The following ITGA1 variants were observed in gnomAD, a reference collection of about 807,000 sequenced individuals.
ITGA1 encodes the protein integrin subunit alpha 1, also known as integrin alpha-1.
In ITGA1, 85 loss-of-function variants were observed where a neutral mutation model predicts 145.9. The ratio of observed to expected loss-of-function variants is 0.58; its 90% CI spans 0.49 to 0.70. ITGA1 has a LOEUF of 0.70. ITGA1 is among the 30% of genes least tolerant of loss of function. ITGA1 has a pLI of 0.00. For synonymous variants in ITGA1, 520 were observed against 495.3 expected, an observed-to-expected ratio of 1.05 and a Z score of -0.66; for missense variants, 1,351 against 1,418.7, an observed-to-expected ratio of 0.95 and a Z score of 0.77.
chr5:52,893,920 A>T, intron 9 of ITGA1, 80 bp downstream of exon 9: 1 of 1,077,546 alleles, frequency 9.3e-7, no homozygotes, highest in Admixed American at 2.3e-5. Context: ...TTTATTCCTA[A>T]TACATCAGTA....
rs1561249810 is a variant in ITGA1 at position 52,920,419 on chromosome 5, A to T, written c.2243A>T (p.Asn748Ile). The change falls in exon 17 of 29, where the codon AAC becomes ATC. Residue 748 changes from asparagine to isoleucine, a missense_variant. Physicochemically the swap from Asn to Ile is moderately radical, Grantham distance 149. Transcript: ENST00000282588. ...ACTCAAGAGAGAAAGGTTCAAAGGA[A>T]CATCACAGTTCGAAAATCAGAATGC... ...SGTQERKVQR[N>I]ITVRKSECTK... The T allele has an allele frequency of 6.2e-7, 1 of 1,610,868 alleles. No homozygotes were observed. The highest frequency in any genetic ancestry group is 2.2e-5 in the East Asian group (1 of 44,582).
At chr5:52,905,953 C>A in intron 12 of ITGA1, 45 bp downstream of exon 12, 1 of 1,517,268 alleles carries the variant, frequency 6.6e-7, no homozygotes, top group South Asian at 1.2e-5. Flanking sequence ...TCTATTCATA[C>A]TCTATGTATA....
At chr5:52,801,325 C>A in intron 1 of ITGA1, 1 of 1,237,906 alleles carries the variant, frequency 8.1e-7, no homozygotes, top group Non-Finnish European at 1.1e-6. Context: ...GCCTTACTAG[C>A]GCTTTTGGCT....
rs950330568 is a variant in ITGA1, at chr5:52,908,767, A to G, written c.1456-131A>G. The G allele has an allele frequency of 4.3e-6, 4 of 937,180 alleles. No homozygotes were observed. In the South Asian group the frequency reaches 6.8e-5, roughly 16 times the overall value. The allele number at this position is 937,180 out of a possible 1,614,324, so 58.1% of individuals were successfully genotyped here. A position where few individuals can be genotyped will look rare whatever the true frequency, so the allele number is the denominator to read the frequency against. The stretch of plus-strand genomic sequence containing the variant: ...AATAAATAACTTTCAGGGAGCATCA[A>G]TTTTTATCTTTCATTTCCTTTGCCA... On this transcript the variant is annotated intron_variant, in intron 12 of 28. Transcript: ENST00000282588.
intron 9 of ITGA1, among the ~76,000 whole-genome samples, chr5:52,896,242 C>A (rs1395883295): frequency 6.6e-6 from 1 of 152,194 alleles, no homozygotes; most frequent in Non-Finnish European, 1.5e-5. Flanking sequence ...TAGCGTCCTT[C>A]TGTCTGTTCT....
At chr5:52,951,392 C>T (rs542530165) in intron 28 of ITGA1, among the ~76,000 whole-genome samples, 1 of 152,102 alleles carries the variant, frequency 6.6e-6, no homozygotes, top group African/African-American at 2.4e-5. Flanking sequence ...CCCTTCTATC[C>T]CCCATACTTA....
intron 1 of ITGA1, chr5:52,800,670 GT>G: frequency 6.2e-7 from 1 of 1,614,214 alleles, no homozygotes; most frequent in Non-Finnish European, 8.5e-7. Flanking sequence ...AAGAGAATGA[GT>G]ATGTCAAGAT....
In ITGA1 at chr5:52,945,013, G is replaced by A. The variant is rs1182086962; in HGVS notation, c.3356G>A (p.Ser1119Asn). The change falls in exon 27 of 29, where the codon AGT becomes AAT. Residue 1119 changes from serine to asparagine, a missense_variant. Ser to Asn is a conservative substitution (Grantham distance 46). Coordinates refer to ENST00000282588, the MANE Select transcript of ITGA1 (RefSeq NM_181501.2). Reference sequence around the variant, plus strand: ...AGTGAAAATGCATCTCTGGTTTTAAGTAGCAGCAATCAAAAAAGAGAGGTA... The same window carrying A: ...AGTGAAAATGCATCTCTGGTTTTAAATAGCAGCAATCAAAAAAGAGAGGTA... ...LRSENASLVL[S>N]SSNQKRELAI... 6.2e-7 allele frequency: 1 copy of A among 1,612,866 alleles called. No individual in the cohort carries two copies. The highest frequency in any genetic ancestry group is 8.5e-7 in the Non-Finnish European group (1 of 1,179,310).
At chr5:52,869,751 T>A (rs1221393976) in intron 6 of ITGA1, among the ~76,000 whole-genome samples, 1 of 152,230 alleles carries the variant, frequency 6.6e-6, no homozygotes, top group African/African-American at 2.4e-5. Flanking sequence ...GAGTCTTTTT[T>A]CTATAACTGG....
intron 6 of ITGA1, among the ~76,000 whole-genome samples, chr5:52,878,612 C>A (rs1322949072): frequency 1.3e-5 from 2 of 152,174 alleles, no homozygotes; most frequent in Non-Finnish European, 2.9e-5. Flanking sequence ...TGAGATAACC[C>A]TTTTTCCCAA....
intron 12 of ITGA1, among the ~76,000 whole-genome samples, chr5:52,906,848 A>G (rs1340108295): frequency 2.0e-5 from 3 of 152,190 alleles, no homozygotes; most frequent in African/African-American, 7.2e-5. Context: ...AGTAAAGCTC[A>G]GGTGCAGGGA....
At chr5:52,876,293 C>T (rs1749864493) in intron 6 of ITGA1, among the ~76,000 whole-genome samples, 1 of 106,970 alleles carries the variant, frequency 9.3e-6, no homozygotes, top group Non-Finnish European at 1.9e-5. Flanking sequence ...TTCAGCACAA[C>T]ATTACATTTG....
intron 2 of ITGA1, among the ~76,000 whole-genome samples, chr5:52,859,191 A>G (rs1749561601): frequency 6.6e-6 from 1 of 152,150 alleles, no homozygotes. Flanking sequence ...TTTTCACTAA[A>G]TTAGATAAAT....
rs114994035 is a variant in ITGA1 at position 52,801,883 on chromosome 5, T to A, written c.61+13469T>A. 1.5e-3 allele frequency: 2,151 copies of A among 1,421,370 alleles called. 27 individuals are homozygous for A. The African/African-American group carries it at 0.026, about 17-fold the overall frequency. 88.0% of individuals were successfully genotyped at this position (1,421,370 alleles called of 1,614,324 possible). On this transcript the variant is annotated intron_variant, in intron 1 of 28. Transcript: ENST00000282588. ...TGAGACAATCTTGTGTTTCCTAAAC[T>A]GTTACAGTACATTTCTCAGCATCCT...
intron 22 of ITGA1, 123 bp from the exon 23 acceptor site, chr5:52,933,771 C>G: frequency 2.4e-6 from 1 of 410,896 alleles, no homozygotes; most frequent in Admixed American, 4.4e-5. Context: ...ATGAATTCCC[C>G]TATGATTTGA....
At chr5:52,848,074 G>A (rs1749366182) in intron 1 of ITGA1, among the ~76,000 whole-genome samples, 1 of 152,160 alleles carries the variant, frequency 6.6e-6, no homozygotes, top group African/African-American at 2.4e-5. Flanking sequence ...CAGGCACTGG[G>A]TAGACCCTTT....
chr5:52,828,952 T>C (rs2456214), intron 1 of ITGA1, among the ~76,000 whole-genome samples: 113,215 of 151,502 alleles, frequency 0.75, 42,617 homozygotes, highest in African/African-American at 0.81. Context: ...GTTTCTGTTT[T>C]TGTATATAGG....
chr5:52,948,484 T>C (rs1399254848), intron 28 of ITGA1, among the ~76,000 whole-genome samples: 2 of 152,210 alleles, frequency 1.3e-5, no homozygotes, highest in Non-Finnish European at 2.9e-5. Flanking sequence ...ACTTCCTCTT[T>C]TGAGGGGCTT....
At chr5:52,868,085 C>T (rs1561231893) in intron 6 of ITGA1, among the ~76,000 whole-genome samples, 2 of 152,070 alleles carry the variant, frequency 1.3e-5, no homozygotes, top group African/African-American at 4.8e-5. Flanking sequence ...CCATGATGTG[C>T]TTTCTTTCCT....
Sources: gnomAD v4.1 joint callset for allele counts (sites outside exome capture counted in the v4.1 genomes callset) on GRCh38, gnomAD v4.1.1 for gene constraint, MANE v1.5 for transcripts, NCBI Gene and HGNC (gene_info 2026-07-23, HGNC 2026-07-21) for gene names.